Variants in TDO2 observed in about 807,000 individuals in gnomAD.
TDO2 encodes tryptophan 2,3-dioxygenase, also known as tryptamin 2,3-dioxygenase.
Under a neutral mutation model 61.2 loss-of-function variants are expected in TDO2, and 63 were observed. That is an observed-to-expected ratio of 1.03 (90% CI 0.84 to 1.27). The LOEUF (loss-of-function observed/expected upper bound fraction) is 1.27, where lower values mean the gene tolerates loss of function less well. Among genes scored for constraint, TDO2 ranks in the 50% most tolerant of loss-of-function variants. The pLI is 0.00. For missense variants in TDO2, 494 were observed against 469.5 expected, an observed-to-expected ratio of 1.05 and a Z score of -0.48; for synonymous variants, 183 against 164.0, an observed-to-expected ratio of 1.12 and a Z score of -0.89.
intron 1 of TDO2, 71 bp from the exon 2 acceptor site, chr4:155,903,947 A>G (rs1742671268): frequency 2.0e-6 from 3 of 1,486,434 alleles, no homozygotes; most frequent in Non-Finnish European, 2.8e-6. Context: ...GAGAATTTTA[A>G]TCACCCATAT....
intron 9 of TDO2, among the ~76,000 whole-genome samples, chr4:155,916,983 A>AC (rs201607678): frequency 2.7e-5 from 4 of 149,176 alleles, no homozygotes; most frequent in African/African-American, 9.8e-5. Flanking sequence ...AACAACAACA[A>AC]AAAAAACAAA....
intron 7 of TDO2, among the ~76,000 whole-genome samples, chr4:155,913,547 G>A (rs1365527686): frequency 6.6e-6 from 1 of 151,890 alleles, no homozygotes; most frequent in Non-Finnish European, 1.5e-5. Flanking sequence ...ACTGTACTGG[G>A]TTATTATTTG....
At chr4:155,914,536 T>C (rs1346370486) in intron 8 of TDO2, 102 bp downstream of exon 8, 12 of 778,348 alleles carry the variant, frequency 1.5e-5, no homozygotes, top group Non-Finnish European at 2.3e-5. Flanking sequence ...AGAAATAGAA[T>C]GAAAATTGAT....
At chr4:155,919,418 C>A (rs1296026953) in intron 11 of TDO2, among the ~76,000 whole-genome samples, 1 of 152,134 alleles carries the variant, frequency 6.6e-6, no homozygotes, top group Non-Finnish European at 1.5e-5. Flanking sequence ...ATTTATTAAA[C>A]CCTTCAGGGC....
chr4:155,903,911 A>T, intron 1 of TDO2, 107 bp from the exon 2 acceptor site: 1 of 1,502,580 alleles, frequency 6.7e-7, no homozygotes, highest in Non-Finnish European at 9.2e-7. Flanking sequence ...TTTGTCTAAC[A>T]ATCTACTCTA....
chr4:155,918,268 G>C (rs769779615), intron 11 of TDO2, 29 bp downstream of exon 11: 1 of 1,605,698 alleles, frequency 6.2e-7, no homozygotes, highest in Admixed American at 1.7e-5. Context: ...CTTTCTTCCT[G>C]GTGGCAGTCA....
rs1742979420 is a variant in TDO2, at chr4:155,918,238, A to C, written c.1066A>C (p.Ser356Arg). The C allele has an allele frequency of 1.2e-6, 2 of 1,613,940 alleles. No individual in the cohort carries two copies. The highest frequency in any genetic ancestry group is 1.7e-6 in the Non-Finnish European group (2 of 1,179,850). The change falls in exon 11 of 12, where the codon AGT (serine) becomes CGT (arginine). Residue 356 changes from serine (S) to arginine (R), a missense_variant and splice_region_variant. Ser to Arg is a moderately radical substitution (Grantham distance 110). Coordinates refer to ENST00000536354, the MANE Select transcript of TDO2 (RefSeq NM_005651.4). Reference sequence around the variant, plus strand: ...CTATCACTACCTGCGATCAACTGTGAGGTAGGTGGGGAAATTCTCCTTTCT... The same window carrying C: ...CTATCACTACCTGCGATCAACTGTGCGGTAGGTGGGGAAATTCTCCTTTCT... Reference protein sequence around the residue: ...SGYHYLRSTVSDRYKVFVDLF... With the variant: ...SGYHYLRSTVRDRYKVFVDLF...
intron 7 of TDO2, among the ~76,000 whole-genome samples, chr4:155,913,044 A>G (rs895291139): frequency 2.6e-5 from 4 of 152,072 alleles, no homozygotes; most frequent in Non-Finnish European, 5.9e-5. Context: ...CTCAAATATC[A>G]TCCTTTAATC....
In TDO2 at chr4:155,904,005, A is replaced by G. The variant is rs1560774110; in HGVS notation, c.36-13A>G. ...AAGCACTATTTTTCCCTCTTGATTT[A>G]TTAAATTTGCAGATATACTTTTAAA... On this transcript the variant is annotated splice_polypyrimidine_tract_variant and intron_variant, in intron 1 of 11. Coordinates refer to ENST00000536354, the MANE Select transcript of TDO2 (RefSeq NM_005651.4). 3 of 1,608,406 alleles carry G rather than the reference A, an allele frequency of 1.9e-6. No individual in the cohort carries two copies. Among genetic ancestry groups the G allele is most frequent in the South Asian group, 1.1e-5 (1 of 90,630 alleles).
rs961854414 is a variant in TDO2, at chr4:155,914,003, T to C, written c.727-320T>C. On this transcript the variant is annotated intron_variant, in intron 7 of 11. Transcript: ENST00000536354. ...TACCTTACTTCCTGTGTTTAATTCT[T>C]GTTTAAAATTATATCATTATTAACT... Among the ~76,000 whole-genome samples the C allele has an allele frequency of 1.1e-4, 17 of 152,238 alleles. 2 individuals are homozygous for C. Among genetic ancestry groups the C allele is most frequent in the Admixed American group, 1.1e-3 (17 of 15,292 alleles).
At chr4:155,913,295 A>G (rs1351359630) in intron 7 of TDO2, among the ~76,000 whole-genome samples, 1 of 152,112 alleles carries the variant, frequency 6.6e-6, no homozygotes, top group African/African-American at 2.4e-5. Context: ...GGCCTTTATG[A>G]TCTCACATTC....
At chr4:155,909,150 T>C (rs1472242985) in intron 5 of TDO2, 136 bp downstream of exon 5, 2 of 686,062 alleles carry the variant, frequency 2.9e-6, no homozygotes, top group African/African-American at 3.7e-5. Context: ...GACTTAGGGG[T>C]CTTCGATCAC....
At chr4:155,907,881 A>G (rs1486196528) in intron 4 of TDO2, 89 bp downstream of exon 4, 2 of 945,220 alleles carry the variant, frequency 2.1e-6, no homozygotes, top group Non-Finnish European at 3.3e-6. Context: ...TTAACACCAA[A>G]TGGTGGTCTT....
intron 6 of TDO2, among the ~76,000 whole-genome samples, chr4:155,911,043 A>G (rs764946220): frequency 6.6e-6 from 1 of 152,094 alleles, no homozygotes; most frequent in Non-Finnish European, 1.5e-5. Context: ...AAAGTTGCTA[A>G]GTATACAGTG....
At chr4:155,908,412 A>G (rs556027678) in intron 4 of TDO2, among the ~76,000 whole-genome samples, 2 of 135,860 alleles carry the variant, frequency 1.5e-5, no homozygotes, top group African/African-American at 2.6e-5. Flanking sequence ...CCCTGCTCCA[A>G]GAAGGGCTAG....
At chr4:155,916,993 A>C (rs1157349266) in intron 9 of TDO2, among the ~76,000 whole-genome samples, 1 of 152,096 alleles carries the variant, frequency 6.6e-6, no homozygotes. Context: ...AAAAAAACAA[A>C]ACAAAAAAAC....
intron 3 of TDO2, chr4:155,906,426 TAG>T (rs2110864832): frequency 6.6e-6 from 1 of 152,282 alleles, no homozygotes; most frequent in South Asian, 2.1e-4. Flanking sequence ...AAACATAACT[TAG>T]AGTTATAATT....
intron 4 of TDO2, 112 bp downstream of exon 4, chr4:155,907,904 T>C (rs1274340425): frequency 2.7e-6 from 2 of 738,268 alleles, no homozygotes; most frequent in South Asian, 1.9e-5. Context: ...CTTTTAATGA[T>C]AGAACAAACA....
chr4:155,908,989 A>G lies in TDO2; in HGVS notation c.406A>G (p.Thr136Ala), dbSNP rs772941472. Residue 136 changes from threonine to alanine, a missense_variant, in exon 5 of 12, where the codon ACA becomes GCA. Physicochemically the swap from Thr to Ala is moderately conservative, Grantham distance 58. Coordinates refer to ENST00000536354, the MANE Select transcript of TDO2 (RefSeq NM_005651.4). ...VQQFSILETM[T>A]ALDFNDFREY... is the part of the protein sequence containing the mutation. ...GCAGTTTTCCATTCTGGAGACGATG[A>G]CAGCCTTGGACTTCAATGACTTCAG... The G allele has an allele frequency of 6.8e-5, 109 of 1,611,848 alleles. No individual in the cohort carries two copies. The highest frequency in any genetic ancestry group is 8.8e-5 in the Non-Finnish European group (104 of 1,179,406).
Sources: allele counts gnomAD v4.1 joint callset (sites outside exome capture counted in the v4.1 genomes callset), GRCh38; gene constraint gnomAD v4.1.1; transcripts MANE v1.5; gene names NCBI Gene and HGNC (gene_info 2026-07-23, HGNC 2026-07-21).